Variants in PPP2R2C observed in about 807,000 individuals in gnomAD.
PPP2R2C encodes protein phosphatase 2, regulatory subunit B, gamma.
Under a neutral mutation model 45.3 loss-of-function variants are expected in PPP2R2C, and 10 were observed. The observed-to-expected ratio is 0.22, with a 90% CI of 0.14 to 0.37. The LOEUF (loss-of-function observed/expected upper bound fraction) is 0.37. Among genes scored for constraint, PPP2R2C ranks in the 10% least tolerant of loss-of-function variants. PPP2R2C has a pLI of 1.00. For synonymous variants in PPP2R2C, 257 were observed against 245.4 expected, an observed-to-expected ratio of 1.05 and a Z score of -0.44; for missense variants, 308 against 619.7, an observed-to-expected ratio of 0.50 and a Z score of 5.34.
At chr4:6,413,230 G>A (rs56351538) in intron 1 of PPP2R2C, among the ~76,000 whole-genome samples, 2,596 of 149,554 alleles carry the variant, frequency 0.017, 32 homozygotes, top group Middle Eastern at 0.068. Flanking sequence ...TGCACACACA[G>A]TTGTACATAC....
rs115628142 is a variant in PPP2R2C, at chr4:6,511,144, C to T, written c.49+24127G>A. On this transcript the variant is annotated intron_variant, in intron 2 of 9. Coordinates refer to the PPP2R2C transcript ENST00000506140. ...ACATGGAGATAATAATCGCCCATTG[C>T]ATGCGGTTTAGTGAGTGTTACATGA... Among the ~76,000 whole-genome samples the T allele has an allele frequency of 1.8e-3, 275 of 152,344 alleles. 1 individual carries two copies. Among genetic ancestry groups the T allele is most frequent in the Non-Finnish European group, 3.1e-3 (213 of 68,044 alleles).
rs542223391 is a variant in PPP2R2C, at chr4:6,439,530, G to T, written c.70+32630C>A. Among the ~76,000 whole-genome samples, 3 of 152,298 alleles carry T rather than the reference G, an allele frequency of 2.0e-5. No individual in the cohort carries two copies. In the South Asian group the frequency reaches 6.2e-4, roughly 32 times the overall value. ...ATTTTCTTCTAAATTAGGGAGACAT[G>T]ATCTGGGCTGATGGATGGCTCTGGT... On this transcript the variant is annotated intron_variant, in intron 1 of 8. Coordinates refer to ENST00000382599, the MANE Select transcript of PPP2R2C (RefSeq NM_020416.4).
chr4:6,356,370 C>T (rs73076942), intron 5 of PPP2R2C, among the ~76,000 whole-genome samples: 2,031 of 152,288 alleles, frequency 0.013, 58 homozygotes, highest in African/African-American at 0.046. Context: ...AACAGAGGCT[C>T]GGCGAGGAGA....
At chr4:6,460,159 C>A (rs974515562) in intron 1 of PPP2R2C, among the ~76,000 whole-genome samples, 2 of 152,154 alleles carry the variant, frequency 1.3e-5, no homozygotes, top group Middle Eastern at 3.2e-3. Context: ...TGCCCCCTCC[C>A]CAAGATTCCT....
At chr4:6,435,763 C>CTTTTTATGTG (rs1258683603) in intron 1 of PPP2R2C, among the ~76,000 whole-genome samples, 3 of 152,100 alleles carry the variant, frequency 2.0e-5, no homozygotes, top group Non-Finnish European at 4.4e-5. Flanking sequence ...ATAACACAGC[C>CTTTTTATGTG]CCTTTTCTCC....
intron 5 of PPP2R2C, among the ~76,000 whole-genome samples, chr4:6,356,540 T>C (rs1311982637): frequency 2.6e-5 from 4 of 152,224 alleles, no homozygotes; most frequent in Non-Finnish European, 4.4e-5. Context: ...GCTATGTGTC[T>C]TTGGGCAAGT....
chr4:6,386,183 C>T (rs904804314), intron 1 of PPP2R2C, among the ~76,000 whole-genome samples: 1 of 152,170 alleles, frequency 6.6e-6, no homozygotes, highest in African/African-American at 2.4e-5. Flanking sequence ...ATGCTGCAGG[C>T]GGTCAGCAAT....
At chr4:6,413,938 C>A in intron 1 of PPP2R2C, 1 of 1,536,180 alleles carries the variant, frequency 6.5e-7, no homozygotes, top group Non-Finnish European at 8.7e-7. Context: ...CTTCGTTATA[C>A]TCAATCAGAA....
At chr4:6,470,173 A>C (rs1721791703) in intron 1 of PPP2R2C, among the ~76,000 whole-genome samples, 1 of 152,194 alleles carries the variant, frequency 6.6e-6, no homozygotes. Flanking sequence ...CCCTGGTGAG[A>C]AGACAGACCT....
intron 1 of PPP2R2C, among the ~76,000 whole-genome samples, chr4:6,544,955 A>T (rs923844817): frequency 5.3e-5 from 8 of 151,966 alleles, no homozygotes; most frequent in African/African-American, 1.5e-4. Flanking sequence ...GATTTCTTAA[A>T]TTTTTTTTTA....
intron 2 of PPP2R2C, among the ~76,000 whole-genome samples, chr4:6,484,245 T>A (rs1722462224): frequency 2.0e-5 from 3 of 152,018 alleles, no homozygotes; most frequent in Non-Finnish European, 4.4e-5. Context: ...TATTCTCCAC[T>A]AAAGTGCATT....
At chr4:6,512,162 T>C (rs1378884510) in intron 2 of PPP2R2C, among the ~76,000 whole-genome samples, 1 of 61,284 alleles carries the variant, frequency 1.6e-5, no homozygotes, top group Non-Finnish European at 3.2e-5. Context: ...GTGATGGTGA[T>C]GGTGGTGATG....
intron 1 of PPP2R2C, among the ~76,000 whole-genome samples, chr4:6,462,086 C>T (rs1721356144): frequency 1.3e-5 from 2 of 152,376 alleles, no homozygotes; most frequent in South Asian, 2.1e-4. Context: ...GAGGGCACCA[C>T]TCTGCAGAAA....
Position 6,378,690 on chromosome 4 carries a change from C to CA in PPP2R2C, c.169-119dup. ...CAAGTGCCGAGCCGTGCCAGGGATC[C>CA]AATTCGAGGGTCAAATGAAACTCTC... On this transcript the variant is annotated intron_variant, in intron 2 of 8. Coordinates refer to ENST00000382599, the MANE Select transcript of PPP2R2C (RefSeq NM_020416.4). This position sits in a 1 kb window ranked among gnomAD's most constrained non-coding sequence, Gnocchi z 5.2. 2 of 1,087,748 alleles carry CA rather than the reference C, an allele frequency of 1.8e-6. No homozygotes were observed. The highest frequency in any genetic ancestry group is 2.7e-6 in the Non-Finnish European group (2 of 753,570). 67.4% of individuals were successfully genotyped at this position (1,087,748 alleles called of 1,614,324 possible). A position where few individuals can be genotyped will look rare whatever the true frequency, so the allele number is the denominator to read the frequency against.
chr4:6,498,588 G>T (rs1274594505), intron 2 of PPP2R2C, among the ~76,000 whole-genome samples: 1 of 152,166 alleles, frequency 6.6e-6, no homozygotes. Context: ...TACTAATGAG[G>T]GTCAGCAGTT....
Position 6,456,439 on chromosome 4 carries a change from C to T in PPP2R2C, c.70+15721G>A, listed in dbSNP as rs973417322. ...ACACAACTTAGCTCGCAGAGTCTGA[C>T]GATATGGGACACATTATCATGATGG... On this transcript the variant is annotated intron_variant, in intron 1 of 8. Transcript: ENST00000382599. Among the ~76,000 whole-genome samples, 6 of 152,030 alleles carry T rather than the reference C, an allele frequency of 3.9e-5. No individual in the cohort carries two copies. The East Asian group carries it at 5.8e-4, about 15-fold the overall frequency.
intron 1 of PPP2R2C, chr4:6,382,652 C>G (rs867565106): frequency 0.1 from 30,894 of 294,298 alleles, 1,544 homozygotes; most frequent in African/African-American, 0.19. Context: ...CTCTCTCTCT[C>G]TCTCTCTCTC....
At chr4:6,551,596 A>G (rs1725186859) in intron 1 of PPP2R2C, among the ~76,000 whole-genome samples, 2 of 152,244 alleles carry the variant, frequency 1.3e-5, no homozygotes, top group African/African-American at 4.8e-5. Flanking sequence ...CAAAGGCCAC[A>G]CAACTGCCAT....
At chr4:6,464,326 TG>T (rs1331231074) in intron 1 of PPP2R2C, among the ~76,000 whole-genome samples, 7 of 152,198 alleles carry the variant, frequency 4.6e-5, no homozygotes, top group African/African-American at 1.7e-4. Flanking sequence ...TGCAAGGCCC[TG>T]TGTAACTAAC....
Sources: allele counts gnomAD v4.1 joint callset (sites outside exome capture counted in the v4.1 genomes callset), GRCh38; gene constraint gnomAD v4.1.1; non-coding constraint Gnocchi (gnomAD v3.1); transcripts MANE v1.5; gene names NCBI Gene and HGNC (gene_info 2026-07-23, HGNC 2026-07-21).